The following TP53BP2 variants were observed in gnomAD, a reference collection of about 807,000 sequenced individuals.
TP53BP2 encodes apoptosis-stimulating of p53 protein 2.
A neutral mutation model predicts 126.2 loss-of-function variants in TP53BP2; 62 were observed. That is an observed-to-expected ratio of 0.49 (90% CI 0.40 to 0.61). The LOEUF (loss-of-function observed/expected upper bound fraction) is 0.61. Among genes scored for constraint, TP53BP2 ranks in the 20% least tolerant of loss-of-function variants. The pLI, the probability that TP53BP2 is intolerant of heterozygous loss-of-function variation, is 0.00. For synonymous variants in TP53BP2, 485 were observed against 502.9 expected (o/e 0.96, Z 0.48); for missense variants, 1,215 against 1,402.8 (o/e 0.87, Z 2.14).
chr1:223,786,067 CTG>C (rs1011259596), intron 16 of TP53BP2, among the ~76,000 whole-genome samples: 1 of 152,118 alleles, frequency 6.6e-6, no homozygotes, highest in African/African-American at 2.4e-5. Context: ...AAAAGATAAA[CTG>C]TGCAGTGAAA....
intron 1 of TP53BP2, among the ~76,000 whole-genome samples, chr1:223,831,058 A>C (rs950381451): frequency 4.0e-5 from 6 of 151,656 alleles, no homozygotes; most frequent in African/African-American, 1.5e-4. Context: ...AGATCGCGCC[A>C]CTGCACTCCA....
intron 12 of TP53BP2, among the ~76,000 whole-genome samples, chr1:223,797,908 A>G (rs191842476): frequency 1.4e-4 from 22 of 152,232 alleles, no homozygotes; most frequent in African/African-American, 5.3e-4. Context: ...CATCTGGTCA[A>G]CCTACAGTGA....
intron 4 of TP53BP2, among the ~76,000 whole-genome samples, chr1:223,809,637 A>G (rs1259526430): frequency 1.3e-5 from 2 of 152,134 alleles, no homozygotes; most frequent in African/African-American, 2.4e-5. Context: ...ATCTGAAGAA[A>G]GACACAGTAG....
rs12038665 is a variant in TP53BP2, at chr1:223,822,852, T to C, written c.28-1485A>G. ...GAAACAGGAAACAAGTTTTCGACAG[T>C]GATGCAAATTAGTAAGGCTCTATGT... On this transcript the variant is annotated intron_variant, in intron 1 of 17. Coordinates refer to ENST00000343537, the MANE Select transcript of TP53BP2 (RefSeq NM_001031685.3). Among the ~76,000 whole-genome samples, 650 of 152,228 alleles carry C rather than the reference T, an allele frequency of 4.3e-3. 29 individuals carry two copies. The East Asian group carries it at 0.1, about 25-fold the overall frequency.
chr1:223,825,730 T>C (rs1367059528), intron 1 of TP53BP2, among the ~76,000 whole-genome samples: 2 of 152,156 alleles, frequency 1.3e-5, no homozygotes, highest in Non-Finnish European at 1.5e-5. Context: ...CAGGTAATAC[T>C]ACAGACAGTA....
chr1:223,807,039 A>T, intron 4 of TP53BP2, 92 bp from the exon 5 acceptor site: 1 of 867,382 alleles, frequency 1.2e-6, no homozygotes, highest in Non-Finnish European at 1.8e-6. Flanking sequence ...AAAGCTTCAT[A>T]TGAACCAACT....
chr1:223,791,346 T>C (rs1662149607), intron 15 of TP53BP2, among the ~76,000 whole-genome samples: 1 of 152,196 alleles, frequency 6.6e-6, no homozygotes, highest in Non-Finnish European at 1.5e-5. Flanking sequence ...GGTGTTTACC[T>C]GTACACTGTG....
chr1:223,817,834 C>A (rs551731294), intron 2 of TP53BP2, among the ~76,000 whole-genome samples: 1 of 149,574 alleles, frequency 6.7e-6, no homozygotes, highest in East Asian at 2.0e-4. Flanking sequence ...GCTGAGGCAG[C>A]AGAATCACCT....
At chr1:223,809,807 A>T in intron 4 of TP53BP2, among the ~76,000 whole-genome samples, 1 of 152,120 alleles carries the variant, frequency 6.6e-6, no homozygotes, top group East Asian at 1.9e-4. Flanking sequence ...CACATGCAAT[A>T]GCGAGAGTAT....
At chr1:223,841,050 A>G (rs1039527649) in intron 1 of TP53BP2, among the ~76,000 whole-genome samples, 4 of 152,166 alleles carry the variant, frequency 2.6e-5, no homozygotes, top group Non-Finnish European at 5.9e-5. Context: ...CAGGAGTTCA[A>G]GATCAGCCTG....
At chr1:223,840,918 T>C (rs1664081465) in intron 1 of TP53BP2, among the ~76,000 whole-genome samples, 1 of 152,236 alleles carries the variant, frequency 6.6e-6, no homozygotes. Context: ...TTTCAGCTTT[T>C]AAGAGCTGAA....
At chr1:223,799,603 T>A (rs1662461813) in intron 11 of TP53BP2, among the ~76,000 whole-genome samples, 1 of 152,224 alleles carries the variant, frequency 6.6e-6, no homozygotes, top group Admixed American at 6.5e-5. Context: ...TTTGTAACTT[T>A]GAAGAAATAA....
chr1:223,837,443 G>C (rs1663960457), intron 1 of TP53BP2, among the ~76,000 whole-genome samples: 1 of 152,036 alleles, frequency 6.6e-6, no homozygotes, highest in Non-Finnish European at 1.5e-5. Context: ...ATACAGGAGT[G>C]ATCTTCCACC....
intron 1 of TP53BP2, among the ~76,000 whole-genome samples, chr1:223,843,701 TG>T (rs1664178631): frequency 6.6e-6 from 1 of 152,176 alleles, no homozygotes; most frequent in South Asian, 2.1e-4. Context: ...CCTGATAAAT[TG>T]GTTAGAATTT....
intron 16 of TP53BP2, among the ~76,000 whole-genome samples, chr1:223,786,583 T>TGTGTGC (rs1553258008): frequency 2.1e-5 from 3 of 142,950 alleles, no homozygotes; most frequent in African/African-American, 5.3e-5. Flanking sequence ...CGTGTGTGCG[T>TGTGTGC]GTGTGTGTGT....
Position 223,784,271 on chromosome 1 carries a change from A to G in TP53BP2, c.3207T>C (p.Tyr1069=). Residue 1069 remains tyrosine (Y), a synonymous_variant, in exon 17 of 18, where the codon TAT becomes TAC. Coordinates refer to ENST00000343537, the MANE Select transcript of TP53BP2 (RefSeq NM_001031685.3). Reference sequence around the variant, plus strand: ...TCTGAGGTTCATAATCCCAAAGCGCATAAATGACTCCTTTATTCATTATGC... The same window carrying G: ...TCTGAGGTTCATAATCCCAAAGCGCGTAAATGACTCCTTTATTCATTATGC... The part of the protein sequence containing the change: ...KMGIMNKGVI[Y]ALWDYEPQND... 6.2e-7 allele frequency: 1 copy of G among 1,614,226 alleles called. No homozygotes were observed. Among genetic ancestry groups the G allele is most frequent in the Non-Finnish European group, 8.5e-7 (1 of 1,180,040 alleles).
At chr1:223,790,235 C>G (rs1019290617) in intron 15 of TP53BP2, among the ~76,000 whole-genome samples, 1 of 151,346 alleles carries the variant, frequency 6.6e-6, no homozygotes, top group Admixed American at 6.6e-5. Flanking sequence ...CAGGGTGACA[C>G]AGCAAGACTC....
Position 223,784,207 on chromosome 1 carries a change from T to G in TP53BP2, c.3271A>C (p.Thr1091Pro). ...ELPMKEGDCM[T>P]IIHREDEDEI... ...TCTTCGTCTTCCCTGTGGATGATTGTCATGCAGTCTCCTTCTTTCATGGGC... is the reference window on the plus strand; with the variant it reads ...TCTTCGTCTTCCCTGTGGATGATTGGCATGCAGTCTCCTTCTTTCATGGGC... Residue 1091 changes from threonine to proline, a missense_variant, in exon 17 of 18, where the codon ACA becomes CCA. Around this residue, in one of 4 missense-constraint regions of TP53BP2, gnomAD observed 151 missense variants for 231.2 expected, o/e 0.65. Transcript: ENST00000343537. The G allele has an allele frequency of 6.2e-7, 1 of 1,614,216 alleles. No individual in the cohort carries two copies. Among genetic ancestry groups the G allele is most frequent in the South Asian group, 1.1e-5 (1 of 91,076 alleles).
rs758224776 is a variant in TP53BP2, at chr1:223,789,134, C to A, written c.3037G>T (p.Val1013Leu). 6.2e-7 allele frequency: 1 copy of A among 1,614,174 alleles called. No individual in the cohort carries two copies. The highest frequency in any genetic ancestry group is 8.5e-7 in the Non-Finnish European group (1 of 1,180,016). Residue 1013 changes from valine (V) to leucine (L), a missense_variant, in exon 16 of 18, where the codon GTG becomes TTG. By Grantham distance (32) the Val-to-Leu change is conservative. This residue lies in a region of TP53BP2 where 151 missense variants were observed against 231.2 expected (regional missense o/e 0.65). Transcript: ENST00000343537. ...HCAASCNNVQ[V>L]CKFLVESGAA... ...CCTGACTCCACCAAAAACTTACACA[C>A]TTGGACGTTGTTACATGAGGCAGCA... is the stretch of plus-strand genomic sequence containing the variant.
Sources: allele counts gnomAD v4.1 joint callset (sites outside exome capture counted in the v4.1 genomes callset), GRCh38; gene constraint gnomAD v4.1.1; regional missense constraint gnomAD v4.1.1; transcripts MANE v1.5; gene names NCBI Gene and HGNC (gene_info 2026-07-23, HGNC 2026-07-21).